CDC73: variants seen among roughly 807,000 people sequenced by gnomAD.
CDC73 encodes parafibromin.
A neutral mutation model predicts 83.7 loss-of-function variants in CDC73; 21 were observed. That is an observed-to-expected ratio of 0.25 (90% confidence interval 0.18 to 0.36). The LOEUF is 0.36. Ranked by LOEUF, CDC73 falls within the 10% of genes least tolerant of loss-of-function variation. CDC73 has a pLI of 1.00. For missense variants in CDC73, 342 were observed against 653.3 expected (o/e 0.52, Z 5.19); for synonymous variants, 224 against 212.9 (o/e 1.05, Z -0.45).
At chr1:193,224,650 C>T (rs907234495) in intron 13 of CDC73, among the ~76,000 whole-genome samples, 37 of 152,094 alleles carry the variant, frequency 2.4e-4, no homozygotes, top group African/African-American at 8.0e-4. Flanking sequence ...TGAAATCATT[C>T]GCATATACAC....
intron 10 of CDC73, among the ~76,000 whole-genome samples, chr1:193,166,702 A>T (rs1214556283): frequency 6.7e-6 from 1 of 149,062 alleles, no homozygotes; most frequent in Non-Finnish European, 1.5e-5. Context: ...CCTGGAGTAC[A>T]GTGGAGCTAT....
chr1:193,130,387 C>G, intron 3 of CDC73, 144 bp downstream of exon 3: 1 of 696,182 alleles, frequency 1.4e-6, no homozygotes, highest in Non-Finnish European at 2.6e-6. Context: ...TCACCTTTTT[C>G]TTATACAGTG....
intron 10 of CDC73, among the ~76,000 whole-genome samples, chr1:193,183,285 G>A (rs1676750374): frequency 6.6e-6 from 1 of 151,340 alleles, no homozygotes; most frequent in Non-Finnish European, 1.5e-5. Flanking sequence ...ATAGGCACCA[G>A]CGTTTGAAAT....
At chr1:193,187,182 T>C (rs1319766642) in intron 10 of CDC73, among the ~76,000 whole-genome samples, 1 of 146,934 alleles carries the variant, frequency 6.8e-6, no homozygotes, top group Non-Finnish European at 1.5e-5. Context: ...TACAGCCCAC[T>C]TCTTTTTTGC....
At chr1:193,211,393 T>C (rs1677278304) in intron 11 of CDC73, among the ~76,000 whole-genome samples, 1 of 152,250 alleles carries the variant, frequency 6.6e-6, no homozygotes, top group East Asian at 1.9e-4. Context: ...TCGTAGATGT[T>C]AGCAACCTCG....
intron 1 of CDC73, among the ~76,000 whole-genome samples, chr1:193,124,878 AGTACC>A (rs1181048058): frequency 2.0e-5 from 3 of 152,188 alleles, no homozygotes; most frequent in African/African-American, 7.2e-5. Context: ...AAAAGTTTGT[AGTACC>A]TTAGAGTATG....
At chr1:193,198,891 T>TA (rs1677044673) in intron 10 of CDC73, among the ~76,000 whole-genome samples, 1 of 152,252 alleles carries the variant, frequency 6.6e-6, no homozygotes, top group Non-Finnish European at 1.5e-5. Flanking sequence ...GTACAATAGA[T>TA]ACAACATCTA....
At chr1:193,188,773 G>T (rs1029981811) in intron 10 of CDC73, among the ~76,000 whole-genome samples, 1 of 152,030 alleles carries the variant, frequency 6.6e-6, no homozygotes, top group South Asian at 2.1e-4. Flanking sequence ...GGTCCCTCCA[G>T]TATCGGATTG....
chr1:193,174,687 C>T (rs1676573582), intron 10 of CDC73, among the ~76,000 whole-genome samples: 2 of 152,062 alleles, frequency 1.3e-5, no homozygotes, highest in Admixed American at 6.5e-5. Flanking sequence ...ACAGTGTTTT[C>T]TTTCTCAGTA....
At chr1:193,153,158 A>G (rs1269066120) in intron 10 of CDC73, among the ~76,000 whole-genome samples, 3 of 152,218 alleles carry the variant, frequency 2.0e-5, no homozygotes, top group Non-Finnish European at 4.4e-5. Context: ...ACAGAACTAA[A>G]TACTTGGGTA....
chr1:193,174,056 A>T (rs557892144), intron 10 of CDC73, among the ~76,000 whole-genome samples: 23 of 151,828 alleles, frequency 1.5e-4, no homozygotes, highest in Admixed American at 7.2e-4. Flanking sequence ...AAAATTGTAA[A>T]TTTTTTTCCC....
In CDC73 at chr1:193,254,054, G is replaced by A. The variant is rs1174982740; in HGVS notation, c.*3342G>A. On this transcript the variant is annotated 3_prime_UTR_variant, in exon 17 of 17. Coordinates refer to ENST00000367435, the MANE Select transcript of CDC73 (RefSeq NM_024529.5). ...GCTAGTCAAATTAATGGCTTAGAAAGTAGCTGTAAACTTTGTGTTTTGAAA... is the reference window on the plus strand; with the variant it reads ...GCTAGTCAAATTAATGGCTTAGAAAATAGCTGTAAACTTTGTGTTTTGAAA... Among the ~76,000 whole-genome samples the A allele has an allele frequency of 2.0e-5, 3 of 151,830 alleles. No homozygotes were observed. Among genetic ancestry groups the A allele is most frequent in the Non-Finnish European group, 4.4e-5 (3 of 67,844 alleles).
rs893149309 is a variant in CDC73 at position 193,252,132 on chromosome 1, T to G, written c.*1420T>G. ...CACTAGTAACTAGAAAAGATATTTA[T>G]TCACATGATATTTACAAGGCTCTTC... On this transcript the variant is annotated 3_prime_UTR_variant, in exon 17 of 17. Coordinates refer to ENST00000367435, the MANE Select transcript of CDC73 (RefSeq NM_024529.5). The G allele has an allele frequency of 4.3e-6, 1 of 231,046 alleles. No individual in the cohort carries two copies. The highest frequency in any genetic ancestry group is 5.7e-5 in the Admixed American group (1 of 17,692). 14.3% of individuals were successfully genotyped at this position (231,046 alleles called of 1,614,324 possible).
intron 10 of CDC73, chr1:193,180,193 T>G: frequency 2.0e-6 from 2 of 992,956 alleles, no homozygotes; most frequent in Non-Finnish European, 2.8e-6. Flanking sequence ...CTTTATGTGA[T>G]GAGTTTTAAC....
chr1:193,187,417 A>C (rs759169714), intron 10 of CDC73, among the ~76,000 whole-genome samples: 1 of 152,188 alleles, frequency 6.6e-6, no homozygotes, highest in East Asian at 1.9e-4. Flanking sequence ...AGATTTAATA[A>C]CTTGCCATGA....
intron 10 of CDC73, among the ~76,000 whole-genome samples, chr1:193,196,604 TG>T (rs567463527): frequency 2.4e-4 from 37 of 152,218 alleles, no homozygotes; most frequent in Middle Eastern, 3.2e-3. Context: ...TCTTTCCATT[TG>T]TTTGTGTCTT....
At chr1:193,193,965 A>G (rs1469424382) in intron 10 of CDC73, among the ~76,000 whole-genome samples, 1 of 152,132 alleles carries the variant, frequency 6.6e-6, no homozygotes, top group African/African-American at 2.4e-5. Context: ...ATCTTTCTAC[A>G]TGTATGCCAG....
intron 3 of CDC73, among the ~76,000 whole-genome samples, chr1:193,135,072 T>A (rs1306724762): frequency 1.3e-5 from 2 of 152,142 alleles, no homozygotes; most frequent in African/African-American, 4.8e-5. Flanking sequence ...ATATATATAT[T>A]TATGTGTTTA....
At chr1:193,158,606 G>T (rs906106979) in intron 10 of CDC73, among the ~76,000 whole-genome samples, 2 of 152,028 alleles carry the variant, frequency 1.3e-5, no homozygotes, top group Non-Finnish European at 2.9e-5. Context: ...TTTATAAAAT[G>T]TTTTTTCTGT....
Sources: gnomAD v4.1 joint callset for allele counts (sites outside exome capture counted in the v4.1 genomes callset) on GRCh38, gnomAD v4.1.1 for gene constraint, MANE v1.5 for transcripts, NCBI Gene and HGNC (gene_info 2026-07-23, HGNC 2026-07-21) for gene names.